Variants in MAVS observed in about 807,000 individuals in gnomAD.
MAVS encodes mitochondrial antiviral signaling protein.
In MAVS, 20 loss-of-function variants were observed where a neutral mutation model predicts 30.2. The observed-to-expected ratio is 0.66, with a 90% CI of 0.47 to 0.96. The LOEUF (loss-of-function observed/expected upper bound fraction) is 0.96. Ranked by LOEUF, MAVS falls within the 40% of genes least tolerant of loss-of-function variation. The probability of loss-of-function intolerance (pLI) is 0.00; values close to 1 mark genes in which losing one functional copy is unlikely to be tolerated. For synonymous variants in MAVS, 278 were observed against 293.9 expected, an observed-to-expected ratio of 0.95 and a Z score of 0.55; for missense variants, 624 against 701.1, an observed-to-expected ratio of 0.89 and a Z score of 1.24.
Position 3,865,945 on chromosome 20 carries a change from C to T in MAVS, c.1421C>T (p.Pro474Leu), listed in dbSNP as rs757866394. ...GTFGIHVAEN[P>L]SIQLLEGNPG... ...TTTGGGATCCACGTGGCTGAGAACC[C>T]CAGCATCCAGCTCCTGGAGGGCAAC... Residue 474 changes from proline (P) to leucine (L), a missense_variant, in exon 7 of 7, where the codon CCC (proline) becomes CTC (leucine). Physicochemically the swap from Pro to Leu is moderately conservative, Grantham distance 98. Transcript: ENST00000428216. This position sits in a 1 kb window ranked among gnomAD's most constrained non-coding sequence, Gnocchi z 4.7. 1.9e-5 allele frequency: 30 copies of T among 1,613,592 alleles called. No individual in the cohort carries two copies. The South Asian group carries it at 2.1e-4, about 11-fold the overall frequency.
Position 3,864,602 on chromosome 20 carries a change from C to T in MAVS, c.972C>T (p.Ser324=), listed in dbSNP as rs143794488. 10 of 1,614,204 alleles carry T rather than the reference C, an allele frequency of 6.2e-6. No homozygotes were observed. Among genetic ancestry groups the T allele is most frequent in the Non-Finnish European group, 8.5e-6 (10 of 1,180,034 alleles). ...CAGCATCTGTCAGCACAGTGCCCTC[C>T]AAGTTGCCAACTAGCTCAAAGCCCC... ...ANPASVSTVP[S]KLPTSSKPPG... Residue 324 remains serine, a synonymous_variant, in exon 6 of 7, where the codon TCC becomes TCT. Coordinates refer to ENST00000428216, the MANE Select transcript of MAVS (RefSeq NM_020746.5).
chr20:3,865,571 A>C lies in MAVS; in HGVS notation c.1159-112A>C. On this transcript the variant is annotated intron_variant, in intron 6 of 6. Transcript: ENST00000428216. The surrounding 1 kb of genome is among the most constrained non-coding windows in gnomAD (Gnocchi z 4.7). ...TGGCCTAGGGGCATTATAGATTGGG[A>C]ATTGAGGGGTTGGAGTGTTAGTTCA... The C allele has an allele frequency of 2.0e-6, 2 of 995,848 alleles. No homozygotes were observed. The highest frequency in any genetic ancestry group is 2.9e-6 in the Non-Finnish European group (2 of 689,498). 61.7% of individuals were successfully genotyped at this position (995,848 alleles called of 1,614,324 possible).
Position 3,855,541 on chromosome 20 carries a change from C to T in MAVS, c.117+800C>T, listed in dbSNP as rs557541224. Among the ~76,000 whole-genome samples the T allele has an allele frequency of 2.2e-3, 337 of 152,228 alleles. 2 individuals carry two copies. Among genetic ancestry groups the T allele is most frequent in the Middle Eastern group, 6.8e-3 (2 of 292 alleles). On this transcript the variant is annotated intron_variant, in intron 2 of 6. Transcript: ENST00000428216. The stretch of plus-strand genomic sequence containing the variant: ...CTGGTGAAACGGGCACAACCCCTCC[C>T]CGTTGTAGCTGCTGTTCTCAGATTG...
At position 3,867,545 on chromosome 20, in the gene MAVS, A is replaced by G. The variant is rs1018291426; in HGVS notation, c.*1398A>G. 1.9e-5 allele frequency: 3 copies of G among 161,384 alleles called. No homozygotes were observed. The highest frequency in any genetic ancestry group is 7.2e-5 in the African/African-American group (3 of 41,512). 10.0% of individuals were successfully genotyped at this position (161,384 alleles called of 1,614,324 possible). On this transcript the variant is annotated 3_prime_UTR_variant, in exon 7 of 7. Transcript: ENST00000428216. The stretch of plus-strand genomic sequence containing the variant: ...CAGAAGCTTGAAGCTGCAGTGAGCT[A>G]GGATCGTGCCACTGCACTCCAACCT...
chr20:3,860,159 T>G (rs1226661834), intron 3 of MAVS, among the ~76,000 whole-genome samples: 1 of 151,968 alleles, frequency 6.6e-6, no homozygotes, highest in Non-Finnish European at 1.5e-5. Context: ...CAGAACAGCT[T>G]TTGGACCTAT....
intron 1 of MAVS, among the ~76,000 whole-genome samples, chr20:3,852,342 A>C (rs919402059): frequency 3.3e-5 from 5 of 152,156 alleles, no homozygotes; most frequent in Non-Finnish European, 5.9e-5. Flanking sequence ...TCATGGAAAG[A>C]AGCTGACCTG....
Position 3,869,728 on chromosome 20 carries a change from C to G in MAVS, c.*3581C>G, listed in dbSNP as rs996187887. Reference sequence around the variant, plus strand: ...CAAGCAATTCTCCTGCCTCAGCCTCCCGAGTAGCTGGGATTACAGAGGCCT... The same window carrying G: ...CAAGCAATTCTCCTGCCTCAGCCTCGCGAGTAGCTGGGATTACAGAGGCCT... On this transcript the variant is annotated 3_prime_UTR_variant, in exon 7 of 7. Coordinates refer to ENST00000428216, the MANE Select transcript of MAVS (RefSeq NM_020746.5). The G allele has an allele frequency of 3.3e-5, 5 of 152,296 alleles. No homozygotes were observed. Among genetic ancestry groups the G allele is most frequent in the African/African-American group, 1.2e-4 (5 of 41,420 alleles). The allele number at this position is 152,296 out of a possible 1,614,324, so 9.4% of individuals were successfully genotyped here.
At position 3,867,786 on chromosome 20, in the gene MAVS, C is replaced by T. The variant is rs1022092298; in HGVS notation, c.*1639C>T. 6.6e-6 allele frequency: 1 copy of T among 152,404 alleles called. No homozygotes were observed. The highest frequency in any genetic ancestry group is 6.6e-5 in the Admixed American group (1 of 15,254). 9.4% of individuals were successfully genotyped at this position (152,404 alleles called of 1,614,324 possible). A position where few individuals can be genotyped will look rare whatever the true frequency, so the allele number is the denominator to read the frequency against. On this transcript the variant is annotated 3_prime_UTR_variant, in exon 7 of 7. Coordinates refer to ENST00000428216, the MANE Select transcript of MAVS (RefSeq NM_020746.5). ...TGGAGGATATAGGGCGTTTCCACTC[C>T]CAGCAGCCAGGTTCCCTCACCCCAA...
intron 2 of MAVS, among the ~76,000 whole-genome samples, chr20:3,856,386 C>G (rs1326135590): frequency 7.7e-6 from 1 of 129,338 alleles, no homozygotes; most frequent in East Asian, 2.4e-4. Flanking sequence ...GATGGAGTCT[C>G]GCTGTGTCTT....
Position 3,865,192 on chromosome 20 carries a change from C to A in MAVS, c.1158+404C>A, listed in dbSNP as rs1285388559. Among the ~76,000 whole-genome samples the A allele has an allele frequency of 6.6e-6, 1 of 152,236 alleles. No homozygotes were observed. The highest frequency in any genetic ancestry group is 1.5e-5 in the Non-Finnish European group (1 of 68,042). ...CACCAGGATGCCTGGTGTGTCCCTC[C>A]ATGGCCAGGCTTTACAGAACGCAGT... On this transcript the variant is annotated intron_variant, in intron 6 of 6. Transcript: ENST00000428216. This position sits in a 1 kb window ranked among gnomAD's most constrained non-coding sequence, Gnocchi z 4.7.
At position 3,874,805 on chromosome 20, in the gene MAVS, G is replaced by A. The variant is rs992950004; in HGVS notation, c.*8658G>A. The stretch of plus-strand genomic sequence containing the variant: ...TATGTGGCCTGGCCATTGTCCAGTT[G>A]TATGTTCAGTCTCTTGGAAGGAAGG... On this transcript the variant is annotated 3_prime_UTR_variant, in exon 7 of 7. Coordinates refer to ENST00000428216, the MANE Select transcript of MAVS (RefSeq NM_020746.5). 3 of 152,230 alleles carry A rather than the reference G, an allele frequency of 2.0e-5. No homozygotes were observed. The highest frequency in any genetic ancestry group is 7.2e-5 in the African/African-American group (3 of 41,426). The allele number at this position is 152,230 out of a possible 1,614,324, so 9.4% of individuals were successfully genotyped here.
Position 3,870,993 on chromosome 20 carries a change from G to C in MAVS, c.*4846G>C, listed in dbSNP as rs1214857046. 4.6e-5 allele frequency: 7 copies of C among 152,314 alleles called. No homozygotes were observed. The highest frequency in any genetic ancestry group is 1.7e-4 in the African/African-American group (7 of 41,408). 9.4% of individuals were successfully genotyped at this position (152,314 alleles called of 1,614,324 possible). On this transcript the variant is annotated 3_prime_UTR_variant, in exon 7 of 7. Transcript: ENST00000428216. ...CCTCCCAGGTTCAAGTGATTCTCCT[G>C]CTTCAGCCTCTCAAGTAGCTGGGAT...
chr20:3,863,316 T>G (rs2089880397), intron 5 of MAVS, among the ~76,000 whole-genome samples: 2 of 152,160 alleles, frequency 1.3e-5, no homozygotes, highest in South Asian at 4.1e-4. Flanking sequence ...CTTCCCAAAC[T>G]ATTCCACATG....
At chr20:3,849,357 C>G (rs2089738206) in intron 1 of MAVS, among the ~76,000 whole-genome samples, 1 of 151,964 alleles carries the variant, frequency 6.6e-6, no homozygotes, top group Admixed American at 6.6e-5. Flanking sequence ...TTACAGGCGC[C>G]CACCACCATG....
chr20:3,854,316 A>C (rs1568532948), intron 1 of MAVS, among the ~76,000 whole-genome samples: 2 of 150,524 alleles, frequency 1.3e-5, no homozygotes, highest in African/African-American at 4.9e-5. Context: ...AGCTACTCAG[A>C]AGGGAGGCTG....
rs991315853 is a variant in MAVS, at chr20:3,851,399, G to A, written c.-67-3159G>A. Among the ~76,000 whole-genome samples, 7 of 151,230 alleles carry A rather than the reference G, an allele frequency of 4.6e-5. No homozygotes were observed. In the East Asian group the frequency reaches 5.8e-4, roughly 13 times the overall value. On this transcript the variant is annotated intron_variant, in intron 1 of 6. Transcript: ENST00000428216. ...TGGGCACGTGTAATCCCAGCTACTC[G>A]GGAGGCTGAGGCAGGAGAATTGCTT... is the stretch of plus-strand genomic sequence containing the variant.
At chr20:3,856,910 C>T (rs1337960779) in intron 2 of MAVS, among the ~76,000 whole-genome samples, 1 of 151,868 alleles carries the variant, frequency 6.6e-6, no homozygotes, top group East Asian at 1.9e-4. Context: ...GTGGTGGGCT[C>T]CTGTAATCCC....
At position 3,861,533 on chromosome 20, in the gene MAVS, C is replaced by CCA. The variant is rs767639795; in HGVS notation, c.465+31_465+32dup. 44 of 1,602,938 alleles carry CCA rather than the reference C, an allele frequency of 2.7e-5. No homozygotes were observed. In the African/African-American group the frequency reaches 5.4e-4, roughly 20 times the overall value. On this transcript the variant is annotated intron_variant, in intron 4 of 6. Coordinates refer to ENST00000428216, the MANE Select transcript of MAVS (RefSeq NM_020746.5). ...TGTCCTCATAGTCTACCTTGAGCCA[C>CCA]CACTTTTGTGTTCCTATCTGCCCAC...
intron 3 of MAVS, among the ~76,000 whole-genome samples, chr20:3,860,373 A>ATT (rs36084316): frequency 0.11 from 13,643 of 125,008 alleles, 1,024 homozygotes; most frequent in South Asian, 0.22. Context: ...GATTCCTTCT[A>ATT]TTTTTTTTTT....
Sources: allele counts gnomAD v4.1 joint callset (sites outside exome capture counted in the v4.1 genomes callset), GRCh38; gene constraint gnomAD v4.1.1; non-coding constraint Gnocchi (gnomAD v3.1); transcripts MANE v1.5; gene names NCBI Gene and HGNC (gene_info 2026-07-23, HGNC 2026-07-21).